Variants in LIMCH1 observed in about 807,000 individuals in gnomAD.
LIMCH1 encodes LIM and calponin homology domains-containing protein 1.
LIMCH1 carries 113 observed loss-of-function variants against 176.5 expected under a neutral mutation model. The ratio of observed to expected loss-of-function variants is 0.64; its 90% confidence interval spans 0.55 to 0.75. The LOEUF is 0.75. Among genes scored for constraint, LIMCH1 ranks in the 30% least tolerant of loss-of-function variants. The probability of loss-of-function intolerance (pLI) is 0.00; values close to 1 mark genes in which losing one functional copy is unlikely to be tolerated. For synonymous variants in LIMCH1, 619 were observed against 645.9 expected (o/e 0.96, Z 0.63); for missense variants, 1,674 against 1,814.9 (o/e 0.92, Z 1.41).
chr4:41,460,455 CATCTATAT>C (rs1021214265), intron 1 of LIMCH1, among the ~76,000 whole-genome samples: 2 of 92,166 alleles, frequency 2.2e-5, no homozygotes, highest in African/African-American at 5.8e-5. Context: ...CTATAGTAAT[CATCTATAT>C]ATATATATAT....
intron 1 of LIMCH1, among the ~76,000 whole-genome samples, chr4:41,491,488 C>A (rs1023354857): frequency 1.5e-4 from 22 of 151,214 alleles, no homozygotes; most frequent in Non-Finnish European, 2.9e-5. Context: ...GCGCTCCTCA[C>A]TTCCCAGACA....
At chr4:41,402,031 C>T (rs552401999) in intron 1 of LIMCH1, among the ~76,000 whole-genome samples, 3,602 of 152,076 alleles carry the variant, frequency 0.024, 65 homozygotes, top group Non-Finnish European at 0.026. Flanking sequence ...TATTTCCTTC[C>T]CCTGCCTAAT....
intron 1 of LIMCH1, among the ~76,000 whole-genome samples, chr4:41,398,193 C>A: frequency 7.3e-6 from 1 of 137,416 alleles, no homozygotes; most frequent in Admixed American, 7.3e-5. Flanking sequence ...TTTTTAGTTT[C>A]TATTATTTTT....
At chr4:41,458,603 G>A (rs548312835) in intron 1 of LIMCH1, among the ~76,000 whole-genome samples, 16 of 151,450 alleles carry the variant, frequency 1.1e-4, no homozygotes, top group African/African-American at 2.2e-4. Flanking sequence ...GTGAAACCCC[G>A]TCTCTACTAA....
At position 41,698,375 on chromosome 4, in the gene LIMCH1, G is replaced by T. The variant is rs976181557; in HGVS notation, c.*1190G>T. 2 of 152,192 alleles carry T rather than the reference G, an allele frequency of 1.3e-5. No homozygotes were observed. The highest frequency in any genetic ancestry group is 2.9e-5 in the Non-Finnish European group (2 of 68,052). The allele number at this position is 152,192 out of a possible 1,614,324, so 9.4% of individuals were successfully genotyped here. A position where few individuals can be genotyped will look rare whatever the true frequency, so the allele number is the denominator to read the frequency against. On this transcript the variant is annotated 3_prime_UTR_variant, in exon 32 of 32. Coordinates refer to ENST00000503057, the MANE Select transcript of LIMCH1 (RefSeq NM_001330672.2). Reference sequence around the variant, plus strand: ...AACTCCGGACCTTGCCCATGGAGAAGTTTAGAGAGGAACTCTTGTGGAGAG... The same window carrying T: ...AACTCCGGACCTTGCCCATGGAGAATTTTAGAGAGGAACTCTTGTGGAGAG...
chr4:41,662,778 T>G (rs757101692), intron 19 of LIMCH1, 43 bp from the exon 20 acceptor site: 55 of 1,607,236 alleles, frequency 3.4e-5, no homozygotes, highest in Non-Finnish European at 4.6e-5. Context: ...GATATTTGAT[T>G]TTCTTTTCCT....
intron 28 of LIMCH1, 112 bp downstream of exon 28, chr4:41,685,942 C>G (rs1053430674): frequency 1.7e-6 from 2 of 1,145,840 alleles, no homozygotes; most frequent in Admixed American, 5.7e-5. Flanking sequence ...CATTTTTGTG[C>G]TTTCTCTCCA....
At chr4:41,528,429 G>A (rs2076916484) in intron 3 of LIMCH1, among the ~76,000 whole-genome samples, 1 of 152,152 alleles carries the variant, frequency 6.6e-6, no homozygotes, top group East Asian at 1.9e-4. Flanking sequence ...ATAATTAATG[G>A]GTTTGAAGAT....
chr4:41,694,355 A>G (rs1447498755), intron 31 of LIMCH1, among the ~76,000 whole-genome samples: 1 of 152,198 alleles, frequency 6.6e-6, no homozygotes, highest in African/African-American at 2.4e-5. Flanking sequence ...TTCTTGGGGT[A>G]GGGGCAGAAT....
chr4:41,648,298 T>C (rs936029790), intron 17 of LIMCH1, among the ~76,000 whole-genome samples: 1 of 152,226 alleles, frequency 6.6e-6, no homozygotes, highest in Non-Finnish European at 1.5e-5. Context: ...AAGTGATCGT[T>C]TAAACAGAAG....
chr4:41,360,026 G>GGTGTGTGTGTGTGTGTGTGT (rs35179191), upstream of LIMCH1, among the ~76,000 whole-genome samples: 39 of 145,870 alleles, frequency 2.7e-4, no homozygotes, highest in African/African-American at 9.7e-4. The surrounding 1 kb of genome is among the most constrained non-coding windows in gnomAD (Gnocchi z 4.5). Context: ...GGGTGTGTAG[G>GGTGTGTGTGTGTGTGTGTGT]GTGTGTGTGT....
chr4:41,370,514 T>G (rs1319690870), intron 1 of LIMCH1, among the ~76,000 whole-genome samples: 1 of 151,914 alleles, frequency 6.6e-6, no homozygotes, highest in Non-Finnish European at 1.5e-5. Flanking sequence ...TCTTTTCCTA[T>G]GGAAAATTAA....
intron 5 of LIMCH1, among the ~76,000 whole-genome samples, chr4:41,616,605 A>G (rs889539475): frequency 2.0e-5 from 3 of 152,160 alleles, no homozygotes; most frequent in African/African-American, 7.2e-5. Context: ...AACTCTGGAC[A>G]TAAATGGAGA....
chr4:41,619,485 TG>T (rs747966645), intron 6 of LIMCH1, 45 bp downstream of exon 6: 14 of 1,596,804 alleles, frequency 8.8e-6, no homozygotes, highest in African/African-American at 1.3e-5. Flanking sequence ...TGGGCATGAG[TG>T]GTTTGGGAAC....
At chr4:41,651,926 TA>T (rs2094313326) in intron 18 of LIMCH1, among the ~76,000 whole-genome samples, 2 of 152,216 alleles carry the variant, frequency 1.3e-5, no homozygotes, top group African/African-American at 4.8e-5. Context: ...CTGGTTTCAC[TA>T]ATCTAACCGA....
intron 3 of LIMCH1, chr4:41,524,482 A>G: frequency 6.2e-7 from 1 of 1,607,974 alleles, no homozygotes; most frequent in Non-Finnish European, 8.5e-7. Context: ...AGGACTGGTG[A>G]GTACGTGGAA....
At chr4:41,414,249 C>T (rs2059732864) in intron 1 of LIMCH1, among the ~76,000 whole-genome samples, 1 of 152,016 alleles carries the variant, frequency 6.6e-6, no homozygotes. Flanking sequence ...TCTTCCTGAC[C>T]TTCTTGGTTT....
chr4:41,527,787 C>T lies in LIMCH1; in HGVS notation c.237+3309C>T, dbSNP rs186145886. Among the ~76,000 whole-genome samples the T allele has an allele frequency of 1.3e-3, 177 of 139,138 alleles. 1 individual carries two copies. Among genetic ancestry groups the T allele is most frequent in the African/African-American group, 4.6e-3 (170 of 36,614 alleles). 91.3% of individuals were successfully genotyped at this position (139,138 alleles called of 152,430 possible). On this transcript the variant is annotated intron_variant, in intron 3 of 26. Coordinates refer to the LIMCH1 transcript ENST00000313860. ...GCAGTGAGCCAAGATTGCGCCACTG[C>T]ACTCCAGCCTGGGCGACAGAGCGAG...
intron 1 of LIMCH1, among the ~76,000 whole-genome samples, chr4:41,485,662 C>A (rs1009348243): frequency 1.1e-4 from 16 of 152,156 alleles, no homozygotes; most frequent in African/African-American, 3.4e-4. Context: ...TATGTTTACT[C>A]CTTTGGTTTT....
Sources: allele counts gnomAD v4.1 joint callset (sites outside exome capture counted in the v4.1 genomes callset), GRCh38; gene constraint gnomAD v4.1.1; non-coding constraint Gnocchi (gnomAD v3.1); transcripts MANE v1.5; gene names NCBI Gene and HGNC (gene_info 2026-07-23, HGNC 2026-07-21).